Variants in RIPOR2 observed in about 807,000 individuals in gnomAD.
RIPOR2 encodes RHO family interacting cell polarization regulator 2.
RIPOR2 carries 39 observed loss-of-function variants against 114.5 expected under a neutral mutation model. That is an observed-to-expected ratio of 0.34 (90% CI 0.26 to 0.44). The LOEUF is 0.44. Ranked by LOEUF, RIPOR2 falls within the 20% of genes least tolerant of loss-of-function variation. The pLI, the probability that RIPOR2 is intolerant of heterozygous loss-of-function variation, is 1.00. For missense variants in RIPOR2, 1,007 were observed against 1,255.1 expected, an observed-to-expected ratio of 0.80 and a Z score of 2.99; for synonymous variants, 445 against 484.4, an observed-to-expected ratio of 0.92 and a Z score of 1.07.
intron 1 of RIPOR2, among the ~76,000 whole-genome samples, chr6:25,027,895 C>T (rs1776706931): frequency 6.6e-6 from 1 of 152,152 alleles, no homozygotes. Context: ...GTGCTCCAGT[C>T]GGGCCGCTGA....
intron 13 of RIPOR2, among the ~76,000 whole-genome samples, chr6:24,842,542 C>T (rs1013549098): frequency 1.3e-5 from 2 of 152,164 alleles, no homozygotes; most frequent in Non-Finnish European, 2.9e-5. Flanking sequence ...TATCCAGTAA[C>T]GCCTGTGAGA....
At chr6:24,860,636 A>T (rs910536697) in intron 8 of RIPOR2, among the ~76,000 whole-genome samples, 1 of 152,192 alleles carries the variant, frequency 6.6e-6, no homozygotes, top group African/African-American at 2.4e-5. Flanking sequence ...TCATCAAAGG[A>T]CTTCTCTTTT....
chr6:24,994,215 G>T (rs984418677), intron 1 of RIPOR2, among the ~76,000 whole-genome samples: 1 of 152,096 alleles, frequency 6.6e-6, no homozygotes, highest in Non-Finnish European at 1.5e-5. Flanking sequence ...TGAGACTGAG[G>T]AAGATACATC....
intron 18 of RIPOR2, 110 bp from the exon 19 acceptor site, chr6:24,825,538 C>A (rs1489961495): frequency 1.4e-6 from 1 of 727,958 alleles, no homozygotes; most frequent in Non-Finnish European, 2.3e-6. Flanking sequence ...ATAGTAACTC[C>A]AATACATATG....
At chr6:24,850,826 G>A (rs948037430) in intron 9 of RIPOR2, 104 bp from the exon 10 acceptor site, 20 of 1,295,916 alleles carry the variant, frequency 1.5e-5, no homozygotes, top group Admixed American at 1.2e-4. Context: ...GCTGCCCTCC[G>A]CTTCTCCCTT....
At chr6:24,912,466 CCT>C (rs148550521) in intron 1 of RIPOR2, among the ~76,000 whole-genome samples, 15,436 of 138,192 alleles carry the variant, frequency 0.11, 1,605 homozygotes, top group African/African-American at 0.31. Context: ...TTGCCCCCCC[CCT>C]TTTTTTTTTG....
chr6:24,834,115 T>C (rs535353600), intron 15 of RIPOR2, among the ~76,000 whole-genome samples: 19 of 151,994 alleles, frequency 1.3e-4, no homozygotes, highest in Non-Finnish European at 2.5e-4. Flanking sequence ...TTCTACCAGA[T>C]TGGTTATCAG....
At chr6:24,985,657 T>C (rs1774497852) in intron 1 of RIPOR2, among the ~76,000 whole-genome samples, 1 of 152,138 alleles carries the variant, frequency 6.6e-6, no homozygotes, top group Admixed American at 6.5e-5. Flanking sequence ...AACTTGAGAA[T>C]GAGCAGTAGG....
In RIPOR2 at chr6:24,850,675, T is replaced by C. The variant is rs1762796659; in HGVS notation, c.807A>G (p.Ile269Met). Residue 269 changes from isoleucine (I) to methionine (M), a missense_variant, in exon 10 of 22, where the codon ATA (isoleucine) becomes ATG (methionine). Transcript: ENST00000643898. Reference protein sequence around the residue: ...GRQRWKLKGKIEVNGKQSWDG... With the variant: ...GRQRWKLKGKMEVNGKQSWDG... ...CCCAGCTCTGCTTGCCATTTACTTCTATTTTGCCTTTCAGTTTCCACCGCT... is the reference window on the plus strand; with the variant it reads ...CCCAGCTCTGCTTGCCATTTACTTCCATTTTGCCTTTCAGTTTCCACCGCT... 1 of 1,613,810 alleles carries C rather than the reference T, an allele frequency of 6.2e-7. No individual in the cohort carries two copies.
At chr6:24,848,480 G>C (rs1234089794) in intron 11 of RIPOR2, among the ~76,000 whole-genome samples, 4 of 152,112 alleles carry the variant, frequency 2.6e-5, no homozygotes. Context: ...ACAAGATGTT[G>C]AAAAGTCTAT....
chr6:24,992,504 C>T (rs1376701610), intron 1 of RIPOR2, among the ~76,000 whole-genome samples: 2 of 152,032 alleles, frequency 1.3e-5, no homozygotes, highest in African/African-American at 2.4e-5. Flanking sequence ...CCTAGGAAAA[C>T]GGCTGACCAG....
At chr6:24,842,790 C>A in intron 13 of RIPOR2, 72 bp downstream of exon 13, 1 of 841,504 alleles carries the variant, frequency 1.2e-6, no homozygotes, top group Non-Finnish European at 1.7e-6. Context: ...AATGATACCT[C>A]ATCTTAAATA....
At chr6:24,887,059 T>C (rs910358225) in intron 1 of RIPOR2, among the ~76,000 whole-genome samples, 5 of 152,214 alleles carry the variant, frequency 3.3e-5, no homozygotes, top group Non-Finnish European at 5.9e-5. Context: ...TGGGTTATAA[T>C]CCACTACTAT....
chr6:24,906,256 G>C (rs1477215874), intron 1 of RIPOR2, among the ~76,000 whole-genome samples: 1 of 152,120 alleles, frequency 6.6e-6, no homozygotes, highest in Non-Finnish European at 1.5e-5. Flanking sequence ...CATTGGGTAG[G>C]CAGCATGCAA....
At chr6:24,832,743 G>A (rs1490350283) in intron 15 of RIPOR2, among the ~76,000 whole-genome samples, 1 of 152,180 alleles carries the variant, frequency 6.6e-6, no homozygotes, top group Non-Finnish European at 1.5e-5. Context: ...AGCAGAAATA[G>A]ATTTGTCTTA....
intron 1 of RIPOR2, among the ~76,000 whole-genome samples, chr6:25,013,006 T>C (rs1383290720): frequency 6.9e-6 from 1 of 145,890 alleles, no homozygotes; most frequent in Non-Finnish European, 1.5e-5. Flanking sequence ...TCTGATTAAA[T>C]AGCACTCCAT....
intron 1 of RIPOR2, among the ~76,000 whole-genome samples, chr6:24,927,192 C>CACCACT (rs1770970692): frequency 1.4e-3 from 9 of 6,412 alleles, no homozygotes; most frequent in Non-Finnish European, 2.3e-3. Flanking sequence ...TGACCACCAC[C>CACCACT]ACAACTACAA....
At chr6:24,933,048 C>A (rs989531448) in intron 1 of RIPOR2, among the ~76,000 whole-genome samples, 1 of 152,194 alleles carries the variant, frequency 6.6e-6, no homozygotes, top group African/African-American at 2.4e-5. Flanking sequence ...AGCTATACCA[C>A]AGCAGGGGCA....
intron 1 of RIPOR2, among the ~76,000 whole-genome samples, chr6:24,893,931 A>G (rs758355890): frequency 1.3e-5 from 2 of 152,218 alleles, no homozygotes; most frequent in Non-Finnish European, 2.9e-5. Context: ...GAAGCATTGA[A>G]CTGGATCACA....
Sources: gnomAD v4.1 joint callset for allele counts (sites outside exome capture counted in the v4.1 genomes callset) on GRCh38, gnomAD v4.1.1 for gene constraint, MANE v1.5 for transcripts, NCBI Gene and HGNC (gene_info 2026-07-23, HGNC 2026-07-21) for gene names.